Variants in ACSM1 observed in about 807,000 individuals in gnomAD.
ACSM1 encodes the protein acyl-CoA synthetase medium chain family member 1.
In ACSM1, 79 loss-of-function variants were observed where a neutral mutation model predicts 75.8. That is an observed-to-expected ratio of 1.04 (90% CI 0.87 to 1.26). The LOEUF is 1.26. Ranked by LOEUF, ACSM1 falls within the 50% of genes most tolerant of loss-of-function variation. The pLI is 0.00. For synonymous variants in ACSM1, 279 were observed against 265.8 expected (o/e 1.05, Z -0.48); for missense variants, 676 against 720.1 (o/e 0.94, Z 0.70).
At chr16:20,672,471 A>AAAAAAATATATATATATATAT in intron 4 of ACSM1, among the ~76,000 whole-genome samples, 1 of 64,562 alleles carries the variant, frequency 1.5e-5, no homozygotes, top group Non-Finnish European at 2.6e-5. Context: ...AAAAAAAAAA[A>AAAAAAATATATATATATATAT]ATATATATAT....
Position 20,671,724 on chromosome 16 carries a change from T to C in ACSM1, c.612-53A>G, listed in dbSNP as rs150476181. The stretch of plus-strand genomic sequence containing the variant: ...AAAAGTCATGATTGCTGTTTCTTCA[T>C]CTTCTGGGAATGCAAAAGAAACATA... On this transcript the variant is annotated intron_variant, in intron 4 of 13. Transcript: ENST00000520010. 4,604 of 1,444,244 alleles carry C rather than the reference T, an allele frequency of 3.2e-3. 12 individuals carry two copies. The highest frequency in any genetic ancestry group is 3.5e-3 in the Non-Finnish European group (3,849 of 1,092,188). 89.5% of individuals were successfully genotyped at this position (1,444,244 alleles called of 1,614,324 possible). A position where few individuals can be genotyped will look rare whatever the true frequency, so the allele number is the denominator to read the frequency against.
intron 1 of ACSM1, among the ~76,000 whole-genome samples, chr16:20,696,035 A>T (rs2079688046): frequency 6.6e-6 from 1 of 152,226 alleles, no homozygotes; most frequent in Non-Finnish European, 1.5e-5. Context: ...TCAATACACA[A>T]GTACTTACCA....
At chr16:20,635,624 CTTT>C (rs1165831549) in intron 10 of ACSM1, among the ~76,000 whole-genome samples, 37 of 111,678 alleles carry the variant, frequency 3.3e-4, no homozygotes, top group Non-Finnish European at 7.1e-4. Context: ...TTCTTTCTTT[CTTT>C]CTTTCTTTCT....
chr16:20,635,552 T>C (rs1274231777), intron 10 of ACSM1, among the ~76,000 whole-genome samples: 1 of 151,884 alleles, frequency 6.6e-6, no homozygotes, highest in African/African-American at 2.4e-5. Context: ...ATATAAAATA[T>C]ATGTGTTACC....
At chr16:20,690,082 A>G (rs955929950) in intron 2 of ACSM1, among the ~76,000 whole-genome samples, 57 of 152,386 alleles carry the variant, frequency 3.7e-4, no homozygotes, top group African/African-American at 1.3e-3. Flanking sequence ...TGAGGTTACT[A>G]TGCAAATTCA....
chr16:20,671,975 A>C (rs921118482), intron 4 of ACSM1, among the ~76,000 whole-genome samples: 4 of 152,178 alleles, frequency 2.6e-5, no homozygotes, highest in African/African-American at 9.7e-5. Context: ...TGAACATTTG[A>C]ATAGCACTTG....
At chr16:20,642,064 G>A (rs2018093273) in intron 7 of ACSM1, among the ~76,000 whole-genome samples, 1 of 152,196 alleles carries the variant, frequency 6.6e-6, no homozygotes, top group Non-Finnish European at 1.5e-5. Flanking sequence ...TCTGGAACAA[G>A]GGACTATGGA....
At chr16:20,677,360 G>T (rs987841395) in intron 4 of ACSM1, among the ~76,000 whole-genome samples, 55 of 152,276 alleles carry the variant, frequency 3.6e-4, no homozygotes, top group African/African-American at 1.2e-3. Flanking sequence ...TAAGGTCATG[G>T]CATCACCCAG....
chr16:20,684,368 T>C (rs1040465472), intron 3 of ACSM1, among the ~76,000 whole-genome samples: 1 of 152,200 alleles, frequency 6.6e-6, no homozygotes, highest in South Asian at 2.1e-4. Context: ...AAATTGTGCC[T>C]TTGTAAAGGA....
chr16:20,649,893 A>C (rs943363160), intron 7 of ACSM1, among the ~76,000 whole-genome samples: 1 of 152,168 alleles, frequency 6.6e-6, no homozygotes, highest in Non-Finnish European at 1.5e-5. Context: ...GCTCATATTT[A>C]GCTCAGAATA....
intron 2 of ACSM1, among the ~76,000 whole-genome samples, chr16:20,685,663 T>C (rs2079534953): frequency 1.3e-5 from 2 of 151,336 alleles, no homozygotes; most frequent in Non-Finnish European, 2.9e-5. Flanking sequence ...CTACTAAAAA[T>C]TTAAAAATTA....
chr16:20,675,338 C>T (rs1267543260), intron 4 of ACSM1, among the ~76,000 whole-genome samples: 6 of 152,114 alleles, frequency 3.9e-5, no homozygotes, highest in Non-Finnish European at 8.8e-5. Flanking sequence ...GATCCCTTAG[C>T]GCAGGCTGTG....
chr16:20,658,911 T>A (rs1054176953), intron 7 of ACSM1, among the ~76,000 whole-genome samples: 1 of 152,186 alleles, frequency 6.6e-6, no homozygotes, highest in African/African-American at 2.4e-5. Flanking sequence ...GGTAACCACA[T>A]TGTGAGTCTG....
At chr16:20,629,883 T>C (rs2017230177) in intron 10 of ACSM1, among the ~76,000 whole-genome samples, 1 of 149,024 alleles carries the variant, frequency 6.7e-6, no homozygotes, top group East Asian at 2.0e-4. Flanking sequence ...TCCCAGCTAC[T>C]GGGGAGGCTG....
At chr16:20,675,889 C>T (rs2020246904) in intron 4 of ACSM1, among the ~76,000 whole-genome samples, 1 of 152,172 alleles carries the variant, frequency 6.6e-6, no homozygotes. Flanking sequence ...AAGGTAAAGT[C>T]ACAGAGGCTT....
chr16:20,663,957 T>A (rs926790689), intron 6 of ACSM1, among the ~76,000 whole-genome samples: 1 of 152,058 alleles, frequency 6.6e-6, no homozygotes, highest in Non-Finnish European at 1.5e-5. Flanking sequence ...TTAGTAGGTG[T>A]TCATCAAATG....
intron 9 of ACSM1, 35 bp downstream of exon 9, chr16:20,637,336 C>T: frequency 6.3e-7 from 1 of 1,592,726 alleles, no homozygotes; most frequent in East Asian, 2.2e-5. Flanking sequence ...CCGCTGAGCC[C>T]TAACTGCTCC....
chr16:20,646,172 G>A (rs1006452382), intron 7 of ACSM1, among the ~76,000 whole-genome samples: 1 of 152,108 alleles, frequency 6.6e-6, no homozygotes, highest in Non-Finnish European at 1.5e-5. Flanking sequence ...AGTGAACTTT[G>A]GAGGCTCTGA....
intron 4 of ACSM1, chr16:20,676,152 A>G (rs1312350221): frequency 1.3e-5 from 2 of 152,308 alleles, no homozygotes; most frequent in African/African-American, 4.8e-5. Context: ...GAGCTCCAGG[A>G]AGTTAAAGTG....
Sources: gnomAD v4.1 joint callset for allele counts (sites outside exome capture counted in the v4.1 genomes callset) on GRCh38, gnomAD v4.1.1 for gene constraint, MANE v1.5 for transcripts, NCBI Gene and HGNC (gene_info 2026-07-23, HGNC 2026-07-21) for gene names.